Variants in LRP1B observed in about 807,000 individuals in gnomAD.
LRP1B encodes low-density lipoprotein receptor-related protein 1B.
In LRP1B, 217 loss-of-function variants were observed where a neutral mutation model predicts 556.6. The observed-to-expected ratio is 0.39, with a 90% CI of 0.35 to 0.44. The LOEUF is 0.44. LRP1B is among the 20% of genes least tolerant of loss of function. The pLI is 1.00. For missense variants in LRP1B, 5,053 were observed against 5,620.8 expected (o/e 0.90, Z 3.23); for synonymous variants, 2,047 against 1,865.8 (o/e 1.10, Z -2.50).
chr2:140,546,998 T>C (rs1374033024), intron 43 of LRP1B, among the ~76,000 whole-genome samples: 1 of 152,192 alleles, frequency 6.6e-6, no homozygotes, highest in African/African-American at 2.4e-5. Context: ...ATCCGAGGGA[T>C]AAAGCCTACT....
Position 140,624,024 on chromosome 2 carries a change from GAAACTAGC to G in LRP1B, c.6800-22393_6800-22386del, listed in dbSNP as rs1683562067. ...TAAAACATATTTTGAAAAAGTTTTA[GAAACTAGC>G]AAATGTCCAAGCCACATGGTTTAAA... On this transcript the variant is annotated intron_variant, in intron 41 of 90. Coordinates refer to ENST00000389484, the MANE Select transcript of LRP1B (RefSeq NM_018557.3). 2.2e-5 allele frequency among the ~76,000 whole-genome samples: 3 copies of G among 136,386 alleles called. No homozygotes were observed. In the Admixed American group the frequency reaches 2.4e-4, roughly 11 times the overall value. The allele number at this position is 136,386 out of a possible 152,430, so 89.5% of individuals were successfully genotyped here.
intron 43 of LRP1B, among the ~76,000 whole-genome samples, chr2:140,579,553 C>T (rs7579363): frequency 0.98 from 149,900 of 152,284 alleles, 73,821 homozygotes; most frequent in Middle Eastern, 1. Context: ...TTTTAAAAGG[C>T]TAGGGTAGGC....
At position 140,813,732 on chromosome 2, in the gene LRP1B, G is replaced by A. The variant is rs780696467; in HGVS notation, c.5284C>T (p.Leu1762=). The change falls in exon 32 of 91, where the codon CTG becomes TTG. Residue 1762 remains leucine, a synonymous_variant. Coordinates refer to ENST00000389484, the MANE Select transcript of LRP1B (RefSeq NM_018557.3). ...ATTACTTCTAAATTACCACCATCCA[G>A]GTTGCATCTATTTATGGTTCCATTC... ...SGNGTINRCN[L]DGGNLEVIES... is the part of the protein sequence containing the mutation. The A allele has an allele frequency of 6.2e-7, 1 of 1,610,344 alleles. No individual in the cohort carries two copies. The highest frequency in any genetic ancestry group is 8.5e-7 in the Non-Finnish European group (1 of 1,176,752).
At chr2:140,840,200 T>C (rs1407954031) in intron 30 of LRP1B, 115 bp from the exon 31 acceptor site, 3 of 620,518 alleles carry the variant, frequency 4.8e-6, no homozygotes, top group East Asian at 3.2e-5. Flanking sequence ...TCAGGATTAA[T>C]TCTTTTCAGA....
At chr2:141,179,240 T>C (rs1384243897) in intron 7 of LRP1B, among the ~76,000 whole-genome samples, 1 of 152,134 alleles carries the variant, frequency 6.6e-6, no homozygotes, top group South Asian at 2.1e-4. Context: ...AGGTCCCAGA[T>C]TGAATTTATG....
At chr2:141,410,980 A>C (rs1201886208) in intron 3 of LRP1B, among the ~76,000 whole-genome samples, 1 of 151,832 alleles carries the variant, frequency 6.6e-6, no homozygotes, top group Non-Finnish European at 1.5e-5. Context: ...AGCTATACAC[A>C]TTTTTCTGCT....
chr2:140,713,682 A>T (rs1373507660), intron 37 of LRP1B, among the ~76,000 whole-genome samples: 1 of 152,082 alleles, frequency 6.6e-6, no homozygotes, highest in African/African-American at 2.4e-5. Context: ...TACAGACCCA[A>T]GTTGTCTTCC....
At chr2:140,935,176 G>T (rs1172417244) in intron 20 of LRP1B, among the ~76,000 whole-genome samples, 1 of 152,018 alleles carries the variant, frequency 6.6e-6, no homozygotes, top group Non-Finnish European at 1.5e-5. Flanking sequence ...ATAAACCAAT[G>T]AAAAGTATCT....
intron 7 of LRP1B, among the ~76,000 whole-genome samples, chr2:141,080,233 AT>A (rs1699890708): frequency 6.6e-6 from 1 of 152,136 alleles, no homozygotes; most frequent in Admixed American, 6.5e-5. Context: ...TCTGGCAGGC[AT>A]TTGCTGTTCA....
chr2:141,431,984 C>T (rs1389620398), intron 3 of LRP1B, among the ~76,000 whole-genome samples: 1 of 152,002 alleles, frequency 6.6e-6, no homozygotes, highest in Non-Finnish European at 1.5e-5. Flanking sequence ...CTAGCTAGAA[C>T]CTCTAGTACA....
At chr2:140,613,652 C>G (rs1298650402) in intron 41 of LRP1B, among the ~76,000 whole-genome samples, 2 of 151,540 alleles carry the variant, frequency 1.3e-5, no homozygotes, top group South Asian at 4.1e-4. Context: ...GACTCTCAGA[C>G]AAAGGACTTA....
intron 1 of LRP1B, among the ~76,000 whole-genome samples, chr2:142,110,376 T>A (rs1167518112): frequency 6.6e-6 from 1 of 152,080 alleles, no homozygotes; most frequent in Non-Finnish European, 1.5e-5. Flanking sequence ...ACTACCAAGA[T>A]CAGAAAAGTA....
intron 1 of LRP1B, among the ~76,000 whole-genome samples, chr2:141,895,048 C>CA (rs369108197): frequency 0.44 from 34,407 of 78,118 alleles, 5,715 homozygotes; most frequent in East Asian, 0.57. Context: ...AACTCCATCT[C>CA]AAAAAAAAAA....
chr2:141,934,588 A>G (rs1346714298), intron 1 of LRP1B, among the ~76,000 whole-genome samples: 1 of 152,166 alleles, frequency 6.6e-6, no homozygotes, highest in Non-Finnish European at 1.5e-5. Context: ...AATCTCATCT[A>G]GAACTCTGGC....
In LRP1B at chr2:140,485,273, T is replaced by C. The variant is rs76917005; in HGVS notation, c.9425+70A>G. On this transcript the variant is annotated intron_variant, in intron 59 of 90. Coordinates refer to ENST00000389484, the MANE Select transcript of LRP1B (RefSeq NM_018557.3). ...ATTGGATTTCCATGTTAATGATCTA[T>C]AGTACTAGATTTACTACTATGAATG... 773 of 1,165,628 alleles carry C rather than the reference T, an allele frequency of 6.6e-4. 4 individuals carry two copies. The African/African-American group carries it at 0.011, about 16-fold the overall frequency. The allele number at this position is 1,165,628 out of a possible 1,614,324, so 72.2% of individuals were successfully genotyped here.
intron 35 of LRP1B, among the ~76,000 whole-genome samples, chr2:140,764,245 T>C (rs1689026186): frequency 6.6e-6 from 1 of 152,150 alleles, no homozygotes; most frequent in Non-Finnish European, 1.5e-5. Context: ...TGATTCAGTA[T>C]ATAAATCAAA....
At chr2:140,418,912 A>G (rs1173034842) in intron 66 of LRP1B, among the ~76,000 whole-genome samples, 1 of 149,958 alleles carries the variant, frequency 6.7e-6, no homozygotes, top group Non-Finnish European at 1.5e-5. Context: ...CTGCTGTCAT[A>G]GTGTGTAAGG....
intron 2 of LRP1B, among the ~76,000 whole-genome samples, chr2:141,657,620 T>G (rs978366394): frequency 2.0e-5 from 3 of 152,140 alleles, no homozygotes; most frequent in Non-Finnish European, 4.4e-5. Flanking sequence ...TGATTTGAGA[T>G]GCAATAAAGG....
chr2:141,179,884 G>A (rs1680914499), intron 7 of LRP1B, among the ~76,000 whole-genome samples: 1 of 131,666 alleles, frequency 7.6e-6, no homozygotes, highest in African/African-American at 2.9e-5. Context: ...GCTGAATGTT[G>A]GTTTTTCCTT....
Sources: allele counts gnomAD v4.1 joint callset (sites outside exome capture counted in the v4.1 genomes callset), GRCh38; gene constraint gnomAD v4.1.1; transcripts MANE v1.5; gene names NCBI Gene and HGNC (gene_info 2026-07-23, HGNC 2026-07-21).